Variants in CMC1 observed in about 807,000 individuals in gnomAD.
The protein encoded by CMC1 is C-X9-C motif containing 1.
CMC1 carries 14 observed loss-of-function variants against 14.1 expected under a neutral mutation model. That is an observed-to-expected ratio of 0.99 (90% CI 0.66 to 1.55). The LOEUF (loss-of-function observed/expected upper bound fraction) is 1.55, where lower values mean the gene tolerates loss of function less well. Among genes scored for constraint, CMC1 ranks in the 40% most tolerant of loss-of-function variants. CMC1 has a pLI of 0.00. For missense variants in CMC1, 127 were observed against 123.8 expected (o/e 1.03, Z -0.12); for synonymous variants, 50 against 38.4 (o/e 1.30, Z -1.12).
chr3:28,272,295 GT>G (rs762465764), intron 2 of CMC1, among the ~76,000 whole-genome samples: 3 of 152,072 alleles, frequency 2.0e-5, no homozygotes, highest in Non-Finnish European at 4.4e-5. Context: ...TTTGTCTTAT[GT>G]TTGTTTTCAA....
rs150388503 is a variant in CMC1 at position 28,306,151 on chromosome 3, A to T, written c.110-10182A>T. ...TCCAGCTTTGTTCTTTTTGTTTAGG[A>T]TTACTTTGGCTATTTGGGCTCTTTT... On this transcript the variant is annotated intron_variant, in intron 2 of 3. Transcript: ENST00000466830. Among the ~76,000 whole-genome samples, 649 of 151,742 alleles carry T rather than the reference A, an allele frequency of 4.3e-3. 10 individuals are homozygous for T. The highest frequency in any genetic ancestry group is 0.015 in the African/African-American group (624 of 41,330).
At chr3:28,255,666 C>T (rs553041199) in intron 1 of CMC1, among the ~76,000 whole-genome samples, 18 of 148,728 alleles carry the variant, frequency 1.2e-4, no homozygotes, top group African/African-American at 3.7e-4. Context: ...AAGCTAGGAA[C>T]GGTTAGTAAC....
chr3:28,275,341 C>CTTTTTTTTTTTTTTTTTTTTTT (rs71087681), intron 2 of CMC1, among the ~76,000 whole-genome samples: 1 of 101,066 alleles, frequency 9.9e-6, no homozygotes, highest in Non-Finnish European at 2.0e-5. Context: ...TTTTTTTTTT[C>CTTTTTTTTTTTTTTTTTTTTTT]TTTTTTTTTT....
chr3:28,274,212 G>GTTTTTTTTGTTTTTTTTTTTTTT (rs376321066), intron 2 of CMC1, among the ~76,000 whole-genome samples: 2 of 88,198 alleles, frequency 2.3e-5, no homozygotes, highest in African/African-American at 9.7e-5. Flanking sequence ...AAGTGTTTTT[G>GTTTTTTTTGTTTTTTTTTTTTTT]TTTTTTTCTT....
At chr3:28,274,363 A>G (rs1206301607) in intron 2 of CMC1, among the ~76,000 whole-genome samples, 2 of 151,096 alleles carry the variant, frequency 1.3e-5, no homozygotes, top group Admixed American at 6.6e-5. Context: ...TTTCTCCTTC[A>G]CCTAGGAAGC....
intron 1 of CMC1, among the ~76,000 whole-genome samples, chr3:28,252,954 A>C (rs1292355119): frequency 1.3e-5 from 2 of 151,812 alleles, no homozygotes; most frequent in Non-Finnish European, 2.9e-5. Flanking sequence ...CATCTCTCCT[A>C]CTCTTGATTT....
intron 2 of CMC1, among the ~76,000 whole-genome samples, chr3:28,308,874 T>G (rs186368151): frequency 4.6e-5 from 7 of 152,048 alleles, no homozygotes; most frequent in Admixed American, 3.9e-4. Context: ...TCCCAGCTAC[T>G]CGGGAGGCTG....
intron 1 of CMC1, among the ~76,000 whole-genome samples, chr3:28,248,473 T>C (rs904436192): frequency 6.6e-6 from 1 of 151,800 alleles, no homozygotes; most frequent in African/African-American, 2.4e-5. Flanking sequence ...GGGAAAGAGA[T>C]GTATCAGATA....
At chr3:28,319,486 A>G in intron 3 of CMC1, 23 bp from the exon 4 acceptor site, 1 of 1,571,548 alleles carries the variant, frequency 6.4e-7, no homozygotes, top group Non-Finnish European at 8.7e-7. Context: ...TTACTTGAAA[A>G]TATTTTCATT....
At chr3:28,263,041 A>T (rs1699813522) in intron 1 of CMC1, 1 of 377,806 alleles carries the variant, frequency 2.6e-6, no homozygotes, top group Non-Finnish European at 4.8e-6. Flanking sequence ...TAAAGTAAAG[A>T]TGTTGTAGTA....
At chr3:28,300,167 G>A (rs563185885) in intron 2 of CMC1, among the ~76,000 whole-genome samples, 86 of 151,948 alleles carry the variant, frequency 5.7e-4, no homozygotes, top group African/African-American at 1.9e-3. Flanking sequence ...AGATTTCTTC[G>A]ATTTTGGCAG....
rs141134932 is a variant in CMC1 at position 28,309,022 on chromosome 3, A to G, written c.110-7311A>G. On this transcript the variant is annotated intron_variant, in intron 2 of 3. Coordinates refer to ENST00000466830, the MANE Select transcript of CMC1 (RefSeq NM_182523.2). Reference sequence around the variant, plus strand: ...AATAAATAAATAAGCCTGCAAAACTAAAATTGGGTCTAGTGGACCCTGATT... The same window carrying G: ...AATAAATAAATAAGCCTGCAAAACTGAAATTGGGTCTAGTGGACCCTGATT... Among the ~76,000 whole-genome samples, 231 of 152,134 alleles carry G rather than the reference A, an allele frequency of 1.5e-3. 1 individual carries two copies. Among genetic ancestry groups the G allele is most frequent in the African/African-American group, 5.1e-3 (211 of 41,530 alleles).
chr3:28,269,715 G>A (rs545189868), intron 2 of CMC1, among the ~76,000 whole-genome samples: 2 of 152,200 alleles, frequency 1.3e-5, no homozygotes, highest in East Asian at 1.9e-4. Context: ...ACAGGCGCAC[G>A]CCATGACGCC....
chr3:28,287,103 T>A (rs1701226960), intron 2 of CMC1, among the ~76,000 whole-genome samples: 1 of 152,158 alleles, frequency 6.6e-6, no homozygotes, highest in African/African-American at 2.4e-5. Context: ...CTAACACTCT[T>A]TTGTCTTCTC....
chr3:28,246,630 A>G (rs555443619), intron 1 of CMC1, among the ~76,000 whole-genome samples: 1 of 152,202 alleles, frequency 6.6e-6, no homozygotes, highest in Admixed American at 6.5e-5. Context: ...GTACATGGGT[A>G]TCTGTCTCTC....
At chr3:28,296,438 TAAAA>T (rs1701745281) in intron 2 of CMC1, among the ~76,000 whole-genome samples, 1 of 152,098 alleles carries the variant, frequency 6.6e-6, no homozygotes, top group South Asian at 2.1e-4. Flanking sequence ...TTTCCATAAA[TAAAA>T]CTTCCTTAGT....
chr3:28,299,759 T>TC (rs1701928733), intron 2 of CMC1, among the ~76,000 whole-genome samples: 1 of 152,162 alleles, frequency 6.6e-6, no homozygotes, highest in South Asian at 2.1e-4. Flanking sequence ...TACTTTTTTT[T>TC]ATGTTCAACA....
At chr3:28,273,898 G>A (rs2125494950) in intron 2 of CMC1, among the ~76,000 whole-genome samples, 1 of 152,178 alleles carries the variant, frequency 6.6e-6, no homozygotes, top group Admixed American at 6.5e-5. Flanking sequence ...TTGACAAAAA[G>A]TAGGATTGCA....
intron 2 of CMC1, among the ~76,000 whole-genome samples, chr3:28,312,618 A>C (rs909446625): frequency 6.6e-6 from 1 of 152,330 alleles, no homozygotes; most frequent in East Asian, 1.9e-4. Flanking sequence ...CATAAATTAA[A>C]TAAGTTAAAA....
Sources: gnomAD v4.1 joint callset for allele counts (sites outside exome capture counted in the v4.1 genomes callset) on GRCh38, gnomAD v4.1.1 for gene constraint, MANE v1.5 for transcripts, NCBI Gene and HGNC (gene_info 2026-07-23, HGNC 2026-07-21) for gene names.